The following EPS15L1 variants were observed in gnomAD, a reference collection of about 807,000 sequenced individuals.
The protein encoded by EPS15L1 is epidermal growth factor receptor pathway substrate 15 like 1, also known as epidermal growth factor receptor substrate 15-like 1.
EPS15L1 carries 43 observed loss-of-function variants against 117.1 expected under a neutral mutation model. The observed-to-expected ratio is 0.37, with a 90% confidence interval of 0.29 to 0.47. The LOEUF is 0.47. Among genes scored for constraint, EPS15L1 ranks in the 20% least tolerant of loss-of-function variants. The pLI is 0.99. For missense variants in EPS15L1, 981 were observed against 1,164.0 expected, an observed-to-expected ratio of 0.84 and a Z score of 2.29; for synonymous variants, 459 against 470.5, an observed-to-expected ratio of 0.98 and a Z score of 0.32.
At chr19:16,458,938 C>T (rs2093222489) in intron 1 of EPS15L1, among the ~76,000 whole-genome samples, 1 of 152,174 alleles carries the variant, frequency 6.6e-6, no homozygotes, top group Non-Finnish European at 1.5e-5. Flanking sequence ...TGAGGACATC[C>T]TGGAGTGAAC....
intron 4 of EPS15L1, among the ~76,000 whole-genome samples, chr19:16,440,472 T>C (rs939450369): frequency 6.6e-6 from 1 of 152,112 alleles, no homozygotes; most frequent in Non-Finnish European, 1.5e-5. Context: ...TTTCTGGCTC[T>C]GATCACTGTG....
intron 7 of EPS15L1, among the ~76,000 whole-genome samples, chr19:16,433,120 GT>G (rs1014588205): frequency 6.8e-6 from 1 of 146,242 alleles, no homozygotes; most frequent in African/African-American, 2.5e-5. Context: ...TAAATTGAGG[GT>G]TTTTTTTGTT....
intron 7 of EPS15L1, among the ~76,000 whole-genome samples, chr19:16,430,625 G>A (rs952975041): frequency 9.9e-5 from 15 of 152,260 alleles, no homozygotes; most frequent in African/African-American, 2.2e-4. Context: ...CTTCTTTGAC[G>A]GTATCTAATT....
intron 1 of EPS15L1, 85 bp from the exon 2 acceptor site, chr19:16,442,304 C>G (rs1218802857): frequency 1.0e-6 from 1 of 1,000,814 alleles, no homozygotes. Flanking sequence ...TTTGTCATGA[C>G]CAAAATATAT....
intron 1 of EPS15L1, among the ~76,000 whole-genome samples, chr19:16,465,214 G>A (rs951074725): frequency 5.9e-5 from 9 of 152,052 alleles, no homozygotes; most frequent in Admixed American, 2.6e-4. Context: ...CACCAAACAC[G>A]CCCTCTCCTC....
At chr19:16,391,619 C>CT (rs2092475687) in intron 19 of EPS15L1, among the ~76,000 whole-genome samples, 1 of 143,458 alleles carries the variant, frequency 7.0e-6, no homozygotes, top group African/African-American at 2.6e-5. Flanking sequence ...ATCACCGAGG[C>CT]TGCTTTTTTT....
chr19:16,465,584 G>A (rs2093297310), intron 1 of EPS15L1, among the ~76,000 whole-genome samples: 1 of 152,150 alleles, frequency 6.6e-6, no homozygotes, highest in African/African-American at 2.4e-5. Context: ...TTGAGAGGCT[G>A]AGGTGGGAGG....
chr19:16,452,650 A>C (rs919074145), intron 1 of EPS15L1, among the ~76,000 whole-genome samples: 1 of 151,146 alleles, frequency 6.6e-6, no homozygotes, highest in African/African-American at 2.4e-5. Flanking sequence ...AAAAAAAAAA[A>C]ACCTAAGAAC....
chr19:16,425,678 A>G (rs1187505806), intron 8 of EPS15L1, among the ~76,000 whole-genome samples: 4 of 152,182 alleles, frequency 2.6e-5, no homozygotes, highest in African/African-American at 9.6e-5. Flanking sequence ...CAAGACGTTC[A>G]GGAGTAGTCC....
In EPS15L1 at chr19:16,371,600, G is replaced by C. The variant is rs868584477; in HGVS notation, c.2380+5522C>G. On this transcript the variant is annotated intron_variant, in intron 22 of 23. Coordinates refer to ENST00000455140, the MANE Select transcript of EPS15L1 (RefSeq NM_001258374.3). This position sits in a 1 kb window ranked among gnomAD's most constrained non-coding sequence, Gnocchi z 4.7. ...GGTTAAAGGTGACTGGCTGGTTAGC[G>C]GTAGAACTGCGCTGGCTGGTGTCAC... Among the ~76,000 whole-genome samples the C allele has an allele frequency of 3.9e-4, 60 of 152,242 alleles. No individual in the cohort carries two copies. The highest frequency in any genetic ancestry group is 1.4e-3 in the African/African-American group (57 of 41,538).
At chr19:16,464,197 A>G (rs532878914) in intron 1 of EPS15L1, among the ~76,000 whole-genome samples, 6 of 152,370 alleles carry the variant, frequency 3.9e-5, no homozygotes, top group African/African-American at 1.4e-4. Context: ...AATCCGAGAC[A>G]AATGTCTGTG....
At chr19:16,364,079 A>C (rs1173215890) in intron 22 of EPS15L1, among the ~76,000 whole-genome samples, 3 of 152,128 alleles carry the variant, frequency 2.0e-5, no homozygotes, top group Non-Finnish European at 1.5e-5. Flanking sequence ...AGTCCATCTA[A>C]GAGGCTCCTC....
chr19:16,361,957 C>T lies in EPS15L1; in HGVS notation c.2408G>A (p.Gly803Asp). 1.2e-6 allele frequency: 2 copies of T among 1,612,720 alleles called. No individual in the cohort carries two copies. The highest frequency in any genetic ancestry group is 1.7e-6 in the Non-Finnish European group (2 of 1,179,476). The stretch of plus-strand genomic sequence containing the variant: ...GGGGGCCTCGGGAAAGTCTGCGGAA[C>T]CAAGCTGGCTTACAGGTGTACTTTT... Reference protein sequence around the residue: ...SGKSTPVSQLGSADFPEAPDP... With the variant: ...SGKSTPVSQLDSADFPEAPDP... The change falls in exon 23 of 24, where the codon GGT becomes GAT. Residue 803 changes from glycine (G) to aspartate (D), a missense_variant. Transcript: ENST00000455140.
At chr19:16,393,628 G>A (rs1357102968) in intron 18 of EPS15L1, among the ~76,000 whole-genome samples, 12 of 145,486 alleles carry the variant, frequency 8.2e-5, no homozygotes, top group East Asian at 6.0e-4. Flanking sequence ...CAGCCTGGGC[G>A]ACAGAGCGAG....
At chr19:16,409,540 G>A (rs2092687306) in intron 13 of EPS15L1, among the ~76,000 whole-genome samples, 1 of 152,178 alleles carries the variant, frequency 6.6e-6, no homozygotes, top group African/African-American at 2.4e-5. Context: ...CATCAAGAAT[G>A]TGGAAAGACA....
chr19:16,400,818 G>GGAAT (rs2092593213), intron 16 of EPS15L1: 1 of 985,230 alleles, frequency 1.0e-6, no homozygotes, highest in Admixed American at 6.2e-5. Flanking sequence ...TGGAGTTGGG[G>GGAAT]GAATCACTGG....
In EPS15L1 at chr19:16,425,213, C is replaced by A. The variant is rs1360313179; in HGVS notation, c.662G>T (p.Gly221Val). ...GCTGGCAGGCAGGACGGGGACGGCGCCAGGGAACACAGTCTTCTTTCTCTT... is the reference window on the plus strand; with the variant it reads ...GCTGGCAGGCAGGACGGGGACGGCGACAGGGAACACAGTCTTCTTTCTCTT... The part of the protein sequence containing the change: ...PSKRKKTVFP[G>V]AVPVLPASPP... The change falls in exon 9 of 24, where the codon GGC becomes GTC. Residue 221 changes from glycine to valine, a missense_variant. Physicochemically the swap from Gly to Val is moderately radical, Grantham distance 109. This residue lies in a region of EPS15L1 where 819 missense variants were observed against 949.0 expected (regional missense o/e 0.86). Coordinates refer to ENST00000455140, the MANE Select transcript of EPS15L1 (RefSeq NM_001258374.3). The A allele has an allele frequency of 6.2e-7, 1 of 1,605,002 alleles. No individual in the cohort carries two copies. The highest frequency in any genetic ancestry group is 1.3e-5 in the African/African-American group (1 of 74,670).
chr19:16,438,005 G>C (rs184355253), intron 4 of EPS15L1, 140 bp from the exon 5 acceptor site: 91 of 645,582 alleles, frequency 1.4e-4, no homozygotes, highest in Non-Finnish European at 2.0e-4. Context: ...CCCTTGGAGC[G>C]TTGGGCTGAA....
chr19:16,447,486 A>C (rs985158543), intron 1 of EPS15L1, among the ~76,000 whole-genome samples: 2 of 152,156 alleles, frequency 1.3e-5, no homozygotes, highest in African/African-American at 4.8e-5. Flanking sequence ...AGGGCCAGGC[A>C]CTCTGGCTCA....
Sources: gnomAD v4.1 joint callset for allele counts (sites outside exome capture counted in the v4.1 genomes callset) on GRCh38, gnomAD v4.1.1 for gene constraint, gnomAD v4.1.1 regional missense constraint, Gnocchi (gnomAD v3.1) non-coding constraint, MANE v1.5 for transcripts, NCBI Gene and HGNC (gene_info 2026-07-23, HGNC 2026-07-21) for gene names.